The following TACC1 variants were observed in gnomAD, a reference collection of about 807,000 sequenced individuals.
The protein encoded by TACC1 is transforming acidic coiled-coil-containing protein 1.
TACC1 carries 48 observed loss-of-function variants against 84.4 expected under a neutral mutation model. The observed-to-expected ratio is 0.57, with a 90% CI of 0.45 to 0.72. The LOEUF is 0.72. TACC1 is among the 30% of genes least tolerant of loss of function. The probability of loss-of-function intolerance (pLI) is 0.00; values close to 1 mark genes in which losing one functional copy is unlikely to be tolerated. For missense variants in TACC1, 920 were observed against 973.0 expected (o/e 0.95, Z 0.72); for synonymous variants, 372 against 376.3 (o/e 0.99, Z 0.13).
chr8:38,742,929 G>C (rs890354204), intron 2 of TACC1, among the ~76,000 whole-genome samples: 2 of 152,112 alleles, frequency 1.3e-5, no homozygotes, highest in Admixed American at 6.6e-5. Flanking sequence ...TGGCCAGGCC[G>C]GTCTCGAACT....
intron 3 of TACC1, among the ~76,000 whole-genome samples, chr8:38,755,032 C>T (rs531122042): frequency 3.9e-5 from 6 of 152,048 alleles, no homozygotes; most frequent in African/African-American, 9.6e-5. Context: ...TGATGGTGCG[C>T]GCCTGTAGTC....
intron 1 of TACC1, among the ~76,000 whole-genome samples, chr8:38,739,723 T>C (rs1354597501): frequency 6.6e-6 from 1 of 152,192 alleles, no homozygotes; most frequent in Non-Finnish European, 1.5e-5. Flanking sequence ...ACCATTACAG[T>C]ATCATATAAA....
intron 3 of TACC1, among the ~76,000 whole-genome samples, chr8:38,768,396 T>C (rs1362610283): frequency 6.6e-6 from 1 of 152,224 alleles, no homozygotes; most frequent in East Asian, 1.9e-4. Context: ...TTTGTATTTA[T>C]AGAAGTACAA....
rs144038940 is a variant in TACC1 at position 38,743,036 on chromosome 8, A to G, written c.-574+585A>G. ...AGCCAACTTACTTCTTTACTTGTGTAAATGAAAGAAGGTAGAACTACATGG... is the reference window on the plus strand; with the variant it reads ...AGCCAACTTACTTCTTTACTTGTGTGAATGAAAGAAGGTAGAACTACATGG... On this transcript the variant is annotated intron_variant, in intron 2 of 14. Transcript: ENST00000518415. Among the ~76,000 whole-genome samples, 114 of 152,354 alleles carry G rather than the reference A, an allele frequency of 7.5e-4. 1 individual carries two copies. Among genetic ancestry groups the G allele is most frequent in the South Asian group, 1.9e-3 (9 of 4,826 alleles).
At chr8:38,790,652 C>T (rs531950708) in intron 2 of TACC1, among the ~76,000 whole-genome samples, 2 of 152,308 alleles carry the variant, frequency 1.3e-5, no homozygotes, top group East Asian at 1.9e-4. Flanking sequence ...GCAACTTCTT[C>T]GTAGGTTGCC....
chr8:38,826,419 AACTT>A (rs1828061718), intron 4 of TACC1, among the ~76,000 whole-genome samples: 1 of 152,236 alleles, frequency 6.6e-6, no homozygotes, highest in Non-Finnish European at 1.5e-5. Context: ...TTGATATAAC[AACTT>A]ACTTTTGTGT....
intron 3 of TACC1, among the ~76,000 whole-genome samples, chr8:38,765,844 A>G (rs1812141148): frequency 6.6e-6 from 1 of 152,190 alleles, no homozygotes. Context: ...CTGAAAAAAA[A>G]TAGGACATCT....
chr8:38,739,052 G>A (rs4354275), intron 1 of TACC1, among the ~76,000 whole-genome samples: 15,156 of 152,108 alleles, frequency 0.1, 966 homozygotes, highest in South Asian at 0.16. Context: ...CAACATGCCC[G>A]GCTAATTTTC....
chr8:38,820,037 C>T lies in TACC1; in HGVS notation c.793C>T (p.His265Tyr). 2 of 1,614,100 alleles carry T rather than the reference C, an allele frequency of 1.2e-6. No individual in the cohort carries two copies. Among genetic ancestry groups the T allele is most frequent in the South Asian group, 2.2e-5 (2 of 91,086 alleles). Residue 265 changes from histidine to tyrosine, a missense_variant, in exon 3 of 13, where the codon CAC becomes TAC. By Grantham distance (83) the His-to-Tyr change is moderately conservative (BLOSUM62 2). Transcript: ENST00000317827. ...CACACCTCTCCCCAAGGCATCCTAT[C>T]ACTTCAGTCCTGAAGAGTTGGATGA... Reference protein sequence around the residue: ...EGTPLPKASYHFSPEELDENT... With the variant: ...EGTPLPKASYYFSPEELDENT...
chr8:38,765,926 T>G (rs1403260055), intron 3 of TACC1, among the ~76,000 whole-genome samples: 1 of 152,186 alleles, frequency 6.6e-6, no homozygotes, highest in East Asian at 1.9e-4. Context: ...AAGGTTGCAT[T>G]TTAAGCATTT....
At chr8:38,791,119 C>A (rs967833023) in intron 2 of TACC1, among the ~76,000 whole-genome samples, 1 of 152,100 alleles carries the variant, frequency 6.6e-6, no homozygotes, top group African/African-American at 2.4e-5. Flanking sequence ...CCTTCCTCAT[C>A]GTTTTGTCAG....
chr8:38,755,386 C>T (rs942386470), intron 3 of TACC1, among the ~76,000 whole-genome samples: 2 of 152,020 alleles, frequency 1.3e-5, no homozygotes, highest in Admixed American at 1.3e-4. Context: ...CTGTGCTGGG[C>T]ACTAAGCTAG....
chr8:38,754,165 G>A (rs1809581188), intron 3 of TACC1, among the ~76,000 whole-genome samples: 1 of 151,966 alleles, frequency 6.6e-6, no homozygotes, highest in Non-Finnish European at 1.5e-5. Context: ...TGTTGGCCAG[G>A]CTGGTCTCAA....
At chr8:38,808,471 G>A (rs1823277862) in intron 2 of TACC1, among the ~76,000 whole-genome samples, 1 of 152,212 alleles carries the variant, frequency 6.6e-6, no homozygotes, top group East Asian at 1.9e-4. Context: ...GGAGTGCAGT[G>A]GTGTGATCAT....
At chr8:38,809,158 T>C (rs1823470390) in intron 2 of TACC1, among the ~76,000 whole-genome samples, 1 of 152,058 alleles carries the variant, frequency 6.6e-6, no homozygotes, top group South Asian at 2.1e-4. Flanking sequence ...CGTTTTACAA[T>C]GTAGCAGATA....
intron 3 of TACC1, among the ~76,000 whole-genome samples, chr8:38,755,526 G>A (rs1480897592): frequency 6.6e-6 from 1 of 151,638 alleles, no homozygotes; most frequent in Non-Finnish European, 1.5e-5. Flanking sequence ...AACATAGTGA[G>A]ACCCCATCTC....
chr8:38,779,625 C>G (rs1587589683), intron 3 of TACC1, among the ~76,000 whole-genome samples: 1 of 152,200 alleles, frequency 6.6e-6, no homozygotes, highest in Non-Finnish European at 1.5e-5. Flanking sequence ...AATCTTTAGT[C>G]AACCTAAAAC....
intron 3 of TACC1, among the ~76,000 whole-genome samples, chr8:38,821,469 A>G (rs2152219769): frequency 6.6e-6 from 1 of 152,318 alleles, no homozygotes; most frequent in East Asian, 1.9e-4. Flanking sequence ...AAACAAACCT[A>G]CCACTAAAAT....
chr8:38,825,506 TC>T, intron 4 of TACC1, 138 bp downstream of exon 4: 1 of 785,212 alleles, frequency 1.3e-6, no homozygotes, highest in South Asian at 1.6e-5. Context: ...AATTTCCAGA[TC>T]CTTACTGTCC....
Sources: allele counts gnomAD v4.1 joint callset (sites outside exome capture counted in the v4.1 genomes callset), GRCh38; gene constraint gnomAD v4.1.1; transcripts MANE v1.5; gene names NCBI Gene and HGNC (gene_info 2026-07-23, HGNC 2026-07-21).